KIAA0753: variants seen among roughly 807,000 people sequenced by gnomAD.
The protein encoded by KIAA0753 is protein moonraker.
Under a neutral mutation model 116.9 loss-of-function variants are expected in KIAA0753, and 114 were observed. The ratio of observed to expected loss-of-function variants is 0.98; its 90% CI spans 0.84 to 1.14. The LOEUF is 1.14. Among genes scored for constraint, KIAA0753 ranks in the 50% most tolerant of loss-of-function variants. The probability of loss-of-function intolerance (pLI) is 0.00; values close to 1 mark genes in which losing one functional copy is unlikely to be tolerated. For synonymous variants in KIAA0753, 405 were observed against 413.1 expected (o/e 0.98, Z 0.24); for missense variants, 1,156 against 1,172.4 (o/e 0.99, Z 0.20).
rs1969689036 is a variant in KIAA0753 at position 6,599,286 on chromosome 17, A to C, written c.2123T>G (p.Leu708Trp). Residue 708 changes from leucine (L) to tryptophan (W), a missense_variant, in exon 14 of 19, where the codon TTG becomes TGG. Transcript: ENST00000361413. ...VNSTTEANIH[L>W]KDGSSVNTAK... ...TGTGTTTACTGACGAGCCATCTTTC[A>C]AATGAATATTTGCTTCTGTAGTAGA... 1 of 1,613,880 alleles carries C rather than the reference A, an allele frequency of 6.2e-7. No individual in the cohort carries two copies. The highest frequency in any genetic ancestry group is 8.5e-7 in the Non-Finnish European group (1 of 1,179,768).
chr17:6,588,959 T>C (rs1464653834), intron 18 of KIAA0753, among the ~76,000 whole-genome samples: 2 of 152,176 alleles, frequency 1.3e-5, no homozygotes, highest in African/African-American at 2.4e-5. Flanking sequence ...AGCAAATTTG[T>C]CCCCACCAAG....
At chr17:6,636,419 G>A (rs1972323330) in intron 1 of KIAA0753, 1 of 152,054 alleles carries the variant, frequency 6.6e-6, no homozygotes, top group South Asian at 2.1e-4. Flanking sequence ...CTGCTTCTAG[G>A]TGCCAAGGGC....
At position 6,634,998 on chromosome 17, in the gene KIAA0753, A is replaced by C. The variant is rs750623133; in HGVS notation, c.93+13T>G. 1 of 1,533,146 alleles carries C rather than the reference A, an allele frequency of 6.5e-7. No individual in the cohort carries two copies. Among genetic ancestry groups the C allele is most frequent in the Non-Finnish European group, 9.0e-7 (1 of 1,106,572 alleles). The allele number at this position is 1,533,146 out of a possible 1,614,324, so 95.0% of individuals were successfully genotyped here. ...TATTTAATAATAAAAATCTCAGGCA[A>C]AAATAGAACTACCTGGGTCTGAAGT... On this transcript the variant is annotated intron_variant, in intron 2 of 18. Transcript: ENST00000361413.
At chr17:6,591,442 G>A (rs912918881) in intron 16 of KIAA0753, among the ~76,000 whole-genome samples, 2 of 152,174 alleles carry the variant, frequency 1.3e-5, no homozygotes, top group African/African-American at 4.8e-5. Context: ...GTTCTCAGAG[G>A]GGATAACAGA....
At chr17:6,603,882 C>G (rs568725540) in intron 12 of KIAA0753, among the ~76,000 whole-genome samples, 24 of 152,268 alleles carry the variant, frequency 1.6e-4, no homozygotes, top group Admixed American at 8.5e-4. Context: ...AAACCCATGG[C>G]CACATGCCAG....
In KIAA0753 at chr17:6,621,009, A is replaced by C; in HGVS notation, c.1105-11T>G. The C allele has an allele frequency of 1.2e-6, 2 of 1,611,092 alleles. No individual in the cohort carries two copies. Among genetic ancestry groups the C allele is most frequent in the Admixed American group, 3.3e-5 (2 of 59,916 alleles). On this transcript the variant is annotated splice_polypyrimidine_tract_variant and intron_variant, in intron 6 of 18. Coordinates refer to ENST00000361413, the MANE Select transcript of KIAA0753 (RefSeq NM_014804.3). Reference sequence around the variant, plus strand: ...GAGAGATTCCAAAGCCTGCCACAAAAACAATCAATTATTCTCTTAGTTTAT... The same window carrying C: ...GAGAGATTCCAAAGCCTGCCACAAACACAATCAATTATTCTCTTAGTTTAT...
chr17:6,633,749 T>G (rs752246292), intron 2 of KIAA0753, among the ~76,000 whole-genome samples: 38 of 152,130 alleles, frequency 2.5e-4, no homozygotes, highest in Non-Finnish European at 4.3e-4. Flanking sequence ...CAAGGATGGA[T>G]CTCAAAAACT....
intron 7 of KIAA0753, among the ~76,000 whole-genome samples, chr17:6,612,539 G>C (rs1481833706): frequency 1.3e-5 from 2 of 152,096 alleles, no homozygotes; most frequent in Admixed American, 1.3e-4. Flanking sequence ...CTGTCTTCTG[G>C]CTACCAAAAT....
intron 4 of KIAA0753, 48 bp from the exon 5 acceptor site, chr17:6,623,619 C>A: frequency 6.3e-7 from 1 of 1,578,104 alleles, no homozygotes; most frequent in South Asian, 1.2e-5. Flanking sequence ...TTCCATTGAT[C>A]TTTTTTGTAG....
At chr17:6,590,095 C>T in intron 17 of KIAA0753, 92 bp from the exon 18 acceptor site, 2 of 1,002,970 alleles carry the variant, frequency 2.0e-6, no homozygotes, top group Non-Finnish European at 2.9e-6. Context: ...TAGCCAAAGG[C>T]TCATCTTGAT....
intron 12 of KIAA0753, among the ~76,000 whole-genome samples, chr17:6,602,113 C>G (rs1324706615): frequency 6.6e-6 from 1 of 152,204 alleles, no homozygotes; most frequent in Non-Finnish European, 1.5e-5. Flanking sequence ...GACTGACAAG[C>G]TCAATTGTTA....
intron 3 of KIAA0753, among the ~76,000 whole-genome samples, chr17:6,625,661 T>C (rs753102504): frequency 1.4e-5 from 2 of 142,936 alleles, no homozygotes; most frequent in African/African-American, 4.9e-5. Flanking sequence ...AATGAGACTG[T>C]CTTAAAAAAG....
intron 2 of KIAA0753, among the ~76,000 whole-genome samples, chr17:6,630,969 C>T (rs1191298705): frequency 6.6e-6 from 1 of 152,036 alleles, no homozygotes; most frequent in African/African-American, 2.4e-5. Flanking sequence ...CTACAGGGAA[C>T]TGGTAGGAAT....
At chr17:6,587,832 T>A (rs1968693551) in intron 18 of KIAA0753, among the ~76,000 whole-genome samples, 1 of 152,146 alleles carries the variant, frequency 6.6e-6, no homozygotes, top group Non-Finnish European at 1.5e-5. Flanking sequence ...AATAAATACA[T>A]AAATCTACAA....
intron 15 of KIAA0753, among the ~76,000 whole-genome samples, chr17:6,595,585 T>C (rs1376095664): frequency 1.3e-5 from 2 of 152,240 alleles, no homozygotes; most frequent in Non-Finnish European, 2.9e-5. Flanking sequence ...AAACGCTGAA[T>C]TGAGAGTCAG....
At chr17:6,633,211 C>T (rs992660053) in intron 2 of KIAA0753, among the ~76,000 whole-genome samples, 4 of 152,136 alleles carry the variant, frequency 2.6e-5, no homozygotes, top group African/African-American at 9.7e-5. Context: ...GGAGGGAATA[C>T]GTAGCAAAAT....
chr17:6,616,781 G>A (rs961274255), intron 7 of KIAA0753, among the ~76,000 whole-genome samples: 3 of 152,140 alleles, frequency 2.0e-5, no homozygotes, highest in Non-Finnish European at 4.4e-5. Flanking sequence ...AGCTGAGATC[G>A]TGCCACTGCA....
Position 6,628,254 on chromosome 17 carries a change from TG to T in KIAA0753, c.580del (p.His194MetfsTer11), listed in dbSNP as rs1971801162. 2 of 1,614,062 alleles carry T rather than the reference TG, an allele frequency of 1.2e-6. No homozygotes were observed. Among genetic ancestry groups the T allele is most frequent in the Non-Finnish European group, 1.7e-6 (2 of 1,180,004 alleles). On this transcript the variant is annotated frameshift_variant, in exon 3 of 19. Transcript: ENST00000361413. LOFTEE classifies it high-confidence loss of function. ...DLTVPNSPPT[H>X]DPGLQPHPRI... ...GGGATGAGGCTGAAGTCCCGGATCA[TG>T]GGTGGGTGGCGAATTTGGCACAGTA...
intron 2 of KIAA0753, 42 bp downstream of exon 2, chr17:6,634,969 G>T: frequency 1.6e-6 from 2 of 1,277,346 alleles, no homozygotes; most frequent in Non-Finnish European, 2.3e-6. Flanking sequence ...TTTTATGTTT[G>T]AAATATTTAA....
Sources: gnomAD v4.1 joint callset for allele counts (sites outside exome capture counted in the v4.1 genomes callset) on GRCh38, gnomAD v4.1.1 for gene constraint, MANE v1.5 for transcripts, NCBI Gene and HGNC (gene_info 2026-07-23, HGNC 2026-07-21) for gene names.